DLGAP2: variants seen among roughly 807,000 people sequenced by gnomAD.
The protein encoded by DLGAP2 is DLG associated protein 2, also known as disks large-associated protein 2.
DLGAP2 carries 26 observed loss-of-function variants against 100.3 expected under a neutral mutation model. The ratio of observed to expected loss-of-function variants is 0.26; its 90% CI spans 0.19 to 0.36. The LOEUF (loss-of-function observed/expected upper bound fraction) is 0.36. Ranked by LOEUF, DLGAP2 falls within the 10% of genes least tolerant of loss-of-function variation. DLGAP2 has a pLI of 1.00. For synonymous variants in DLGAP2, 886 were observed against 630.1 expected (o/e 1.41, Z -6.08); for missense variants, 1,858 against 1,453.2 (o/e 1.28, Z -4.53).
intron 2 of DLGAP2, among the ~76,000 whole-genome samples, chr8:1,121,646 A>G (rs1184256953): frequency 6.6e-6 from 1 of 150,780 alleles, no homozygotes; most frequent in Non-Finnish European, 1.5e-5. Context: ...ACCCCTGATC[A>G]CCCATCCTCA....
At chr8:1,595,550 C>T (rs1180875559) in intron 6 of DLGAP2, among the ~76,000 whole-genome samples, 8 of 150,746 alleles carry the variant, frequency 5.3e-5, no homozygotes, top group Non-Finnish European at 1.0e-4. Flanking sequence ...GCCTGTAGTC[C>T]CAGCTACTCG....
intron 3 of DLGAP2, among the ~76,000 whole-genome samples, chr8:1,423,702 T>A (rs945592990): frequency 1.3e-5 from 2 of 152,150 alleles, no homozygotes; most frequent in African/African-American, 4.8e-5. Flanking sequence ...GCTAACACCA[T>A]TGACAGAGTG....
intron 3 of DLGAP2, among the ~76,000 whole-genome samples, chr8:1,451,784 A>G (rs1584918142): frequency 6.6e-6 from 1 of 152,164 alleles, no homozygotes; most frequent in Non-Finnish European, 1.5e-5. Flanking sequence ...TCCTGAGGCC[A>G]CAACATTCTC....
intron 2 of DLGAP2, among the ~76,000 whole-genome samples, chr8:1,146,062 A>G (rs111492883): frequency 0.017 from 2,629 of 152,096 alleles, 46 homozygotes; most frequent in Non-Finnish European, 0.026. Flanking sequence ...TGTCCCCTCT[A>G]ACACATCCCA....
chr8:962,251 A>C (rs1443911127), intron 2 of DLGAP2, among the ~76,000 whole-genome samples: 1 of 152,214 alleles, frequency 6.6e-6, no homozygotes, highest in Non-Finnish European at 1.5e-5. Flanking sequence ...CAAGTAGTAA[A>C]ATTACAGCTA....
chr8:751,296 G>T (rs1030603509), intron 1 of DLGAP2, among the ~76,000 whole-genome samples: 4 of 148,862 alleles, frequency 2.7e-5, no homozygotes, highest in Non-Finnish European at 6.0e-5. Flanking sequence ...CATTTTCCTG[G>T]ATCTCCGGCC....
intron 4 of DLGAP2, among the ~76,000 whole-genome samples, chr8:1,503,801 G>A (rs185004622): frequency 2.6e-5 from 4 of 152,190 alleles, no homozygotes; most frequent in Non-Finnish European, 5.9e-5. Context: ...GCTCTGGAAA[G>A]AAGGAAATGA....
rs1358340231 is a variant in DLGAP2 at position 870,153 on chromosome 8, G to C, written c.19-37759G>C. Among the ~76,000 whole-genome samples the C allele has an allele frequency of 2.0e-5, 3 of 152,022 alleles. No individual in the cohort carries two copies. In the East Asian group the frequency reaches 5.8e-4, roughly 29 times the overall value. On this transcript the variant is annotated intron_variant, in intron 1 of 14. Transcript: ENST00000637795. ...GGCTTCTGTAATAGTCCATTATCTT[G>C]ATTTTATTCTATGGCTATTTCTTTC...
At chr8:828,989 AG>A (rs1168197249) in intron 1 of DLGAP2, among the ~76,000 whole-genome samples, 2 of 152,142 alleles carry the variant, frequency 1.3e-5, no homozygotes, top group Non-Finnish European at 2.9e-5. Context: ...ACTGGCTTTT[AG>A]TTAGGGTTTG....
intron 6 of DLGAP2, among the ~76,000 whole-genome samples, chr8:1,583,531 A>C (rs935170901): frequency 1.3e-5 from 2 of 152,192 alleles, no homozygotes; most frequent in African/African-American, 4.8e-5. Context: ...TCAGGCTGAC[A>C]TCTGATTAAG....
intron 6 of DLGAP2, among the ~76,000 whole-genome samples, chr8:1,613,299 A>C (rs1327687956): frequency 6.8e-6 from 1 of 148,030 alleles, no homozygotes; most frequent in Non-Finnish European, 1.5e-5. Flanking sequence ...AGAACAAAAA[A>C]CCAAACACCG....
chr8:1,515,584 A>T (rs4876082), intron 4 of DLGAP2, among the ~76,000 whole-genome samples: 4 of 152,016 alleles, frequency 2.6e-5, no homozygotes, highest in Non-Finnish European at 5.9e-5. Context: ...AATTGCAGAC[A>T]TGCAAAAATA....
intron 2 of DLGAP2, among the ~76,000 whole-genome samples, chr8:1,191,657 C>A (rs916074938): frequency 1.7e-4 from 26 of 152,134 alleles, no homozygotes; most frequent in African/African-American, 6.0e-4. Flanking sequence ...GCAGACAAAG[C>A]TTCAAAACAT....
At chr8:1,603,982 C>G (rs1181311797) in intron 6 of DLGAP2, among the ~76,000 whole-genome samples, 1 of 152,162 alleles carries the variant, frequency 6.6e-6, no homozygotes, top group Non-Finnish European at 1.5e-5. Context: ...ACCCCAGCCA[C>G]CGCGTCGGCA....
chr8:1,388,102 C>A (rs1041731661), intron 3 of DLGAP2, among the ~76,000 whole-genome samples: 4 of 99,436 alleles, frequency 4.0e-5, no homozygotes, highest in Non-Finnish European at 9.9e-5. Flanking sequence ...GAGCAGAGGC[C>A]GTGGATGGGG....
chr8:1,232,940 C>T (rs1017102157), intron 2 of DLGAP2, among the ~76,000 whole-genome samples: 4 of 152,144 alleles, frequency 2.6e-5, no homozygotes, highest in African/African-American at 9.7e-5. Context: ...CTAGGCCCAC[C>T]CCCTGCCCAG....
chr8:1,382,019 T>TA, intron 3 of DLGAP2, among the ~76,000 whole-genome samples: 1 of 152,168 alleles, frequency 6.6e-6, no homozygotes, highest in Middle Eastern at 3.4e-3. Context: ...TTGACCCTCA[T>TA]AAAAAAGCAG....
chr8:888,076 T>C (rs546236589), intron 1 of DLGAP2, among the ~76,000 whole-genome samples: 1 of 152,288 alleles, frequency 6.6e-6, no homozygotes, highest in Non-Finnish European at 1.5e-5. Flanking sequence ...GTTCATTCCT[T>C]TTCATTCTTT....
In DLGAP2 at chr8:1,241,511, G is replaced by T. The variant is rs200290977; in HGVS notation, c.74-17340G>T. 2.0e-5 allele frequency among the ~76,000 whole-genome samples: 3 copies of T among 152,210 alleles called. No homozygotes were observed. In the East Asian group the frequency reaches 5.8e-4, roughly 29 times the overall value. On this transcript the variant is annotated intron_variant, in intron 2 of 14. Coordinates refer to ENST00000637795, the MANE Select transcript of DLGAP2 (RefSeq NM_001346810.2). ...TGCAGTTACTCTCGGAGGCCTATACGGGTAGTAGCCCTACAGAGGAAGCAG... is the reference window on the plus strand; with the variant it reads ...TGCAGTTACTCTCGGAGGCCTATACTGGTAGTAGCCCTACAGAGGAAGCAG...
Sources: gnomAD v4.1 joint callset for allele counts (sites outside exome capture counted in the v4.1 genomes callset) on GRCh38, gnomAD v4.1.1 for gene constraint, MANE v1.5 for transcripts, NCBI Gene and HGNC (gene_info 2026-07-23, HGNC 2026-07-21) for gene names.